The following SUSD1 variants were observed in gnomAD, a reference collection of about 807,000 sequenced individuals.
SUSD1 encodes sushi domain containing 1.
SUSD1 carries 65 observed loss-of-function variants against 86.9 expected under a neutral mutation model. The ratio of observed to expected loss-of-function variants is 0.75; its 90% CI spans 0.61 to 0.92. SUSD1 has a LOEUF of 0.92. SUSD1 is among the 40% of genes least tolerant of loss of function. The pLI is 0.00. For missense variants in SUSD1, 850 were observed against 929.7 expected, an observed-to-expected ratio of 0.91 and a Z score of 1.11; for synonymous variants, 346 against 350.0, an observed-to-expected ratio of 0.99 and a Z score of 0.13.
chr9:112,103,068 A>T (rs1254260373), intron 8 of SUSD1: 2 of 400,740 alleles, frequency 5.0e-6, no homozygotes, highest in Admixed American at 7.9e-5. Context: ...ACAAGACTGC[A>T]TGTTTTCTAC....
intron 1 of SUSD1, among the ~76,000 whole-genome samples, chr9:112,174,723 G>A (rs1299887433): frequency 2.6e-5 from 4 of 152,176 alleles, no homozygotes; most frequent in African/African-American, 7.2e-5. Flanking sequence ...GGTCAAAAAT[G>A]TGTCATGCAA....
intron 15 of SUSD1, among the ~76,000 whole-genome samples, chr9:112,042,579 T>C (rs1031110052): frequency 6.6e-6 from 1 of 152,194 alleles, no homozygotes; most frequent in Non-Finnish European, 1.5e-5. Context: ...TAAAAAACAC[T>C]CACAGTTGAG....
chr9:112,158,353 C>T (rs2131824329), intron 1 of SUSD1, among the ~76,000 whole-genome samples: 1 of 152,254 alleles, frequency 6.6e-6, no homozygotes, highest in Middle Eastern at 3.4e-3. Flanking sequence ...TAAGACCCAG[C>T]TTAATGTCAC....
At chr9:112,070,346 T>C (rs1005135519) in intron 12 of SUSD1, among the ~76,000 whole-genome samples, 2 of 152,178 alleles carry the variant, frequency 1.3e-5, no homozygotes, top group African/African-American at 2.4e-5. Context: ...TTCTCTCCAA[T>C]GTACAAGCCT....
chr9:112,157,703 T>C, intron 1 of SUSD1, 90 bp from the exon 2 acceptor site: 1 of 967,908 alleles, frequency 1.0e-6, no homozygotes, highest in Non-Finnish European at 1.6e-6. Flanking sequence ...AACCAAAATT[T>C]GAAGACCAAA....
At chr9:112,149,079 T>A (rs144100265) in intron 3 of SUSD1, among the ~76,000 whole-genome samples, 165 bp downstream of exon 3, 17 of 152,214 alleles carry the variant, frequency 1.1e-4, no homozygotes, top group Non-Finnish European at 2.5e-4. Context: ...CACCCCTAGA[T>A]ACCTCAGCAT....
chr9:112,051,104 T>A (rs1828171098), intron 15 of SUSD1, among the ~76,000 whole-genome samples: 1 of 152,262 alleles, frequency 6.6e-6, no homozygotes, highest in Admixed American at 6.5e-5. Context: ...CCCTGACCAC[T>A]GTACATTGCT....
intron 13 of SUSD1, among the ~76,000 whole-genome samples, chr9:112,059,083 C>T (rs1004503850): frequency 6.6e-6 from 1 of 152,162 alleles, no homozygotes; most frequent in Non-Finnish European, 1.5e-5. Context: ...TGAGCCACTG[C>T]GCCCAGCTGA....
chr9:112,171,416 C>T (rs1834041289), intron 1 of SUSD1, among the ~76,000 whole-genome samples: 1 of 152,202 alleles, frequency 6.6e-6, no homozygotes, highest in Non-Finnish European at 1.5e-5. Flanking sequence ...CTACCAGATT[C>T]CTAATACAAG....
chr9:112,064,869 C>T (rs1828905571), intron 12 of SUSD1, among the ~76,000 whole-genome samples: 1 of 141,788 alleles, frequency 7.1e-6, no homozygotes, highest in African/African-American at 2.6e-5. Flanking sequence ...GAGTGAGACT[C>T]TGTCTCAGAA....
chr9:112,065,360 T>TA (rs890142712), intron 12 of SUSD1, among the ~76,000 whole-genome samples: 22 of 151,660 alleles, frequency 1.5e-4, no homozygotes, highest in African/African-American at 3.6e-4. Context: ...CCATCTCTAG[T>TA]AAAAAAATAC....
chr9:112,117,669 T>A (rs1424817285), intron 6 of SUSD1, among the ~76,000 whole-genome samples: 1 of 152,184 alleles, frequency 6.6e-6, no homozygotes, highest in African/African-American at 2.4e-5. Context: ...CATTATATAA[T>A]GACCACCTCT....
chr9:112,098,431 T>C (rs373175145), intron 10 of SUSD1, 39 bp downstream of exon 10: 199 of 1,599,270 alleles, frequency 1.2e-4, no homozygotes, highest in Non-Finnish European at 1.6e-4. Context: ...CATAGGTAAT[T>C]TGTCCTGAGG....
chr9:112,158,261 C>T (rs1416563363), intron 1 of SUSD1, among the ~76,000 whole-genome samples: 5 of 152,124 alleles, frequency 3.3e-5, no homozygotes, highest in Non-Finnish European at 7.4e-5. Flanking sequence ...CTATCCTACT[C>T]GCATGCCACA....
chr9:112,045,633 TA>T (rs1827924605), intron 15 of SUSD1, among the ~76,000 whole-genome samples: 1 of 152,200 alleles, frequency 6.6e-6, no homozygotes, highest in Non-Finnish European at 1.5e-5. Context: ...CTACCAGGGA[TA>T]CACAAGCCAT....
chr9:112,125,393 G>C (rs1831730456), intron 5 of SUSD1, among the ~76,000 whole-genome samples: 1 of 152,064 alleles, frequency 6.6e-6, no homozygotes, highest in African/African-American at 2.4e-5. Context: ...GTGAGTTGAA[G>C]GGAAGAAGTA....
chr9:112,081,342 T>C (rs1829760205), intron 10 of SUSD1, among the ~76,000 whole-genome samples: 2 of 152,180 alleles, frequency 1.3e-5, no homozygotes, highest in Non-Finnish European at 2.9e-5. Context: ...CTCCTCTCTA[T>C]GGATTGGGCA....
chr9:112,122,313 G>A (rs1052688523), intron 6 of SUSD1, among the ~76,000 whole-genome samples: 2 of 152,178 alleles, frequency 1.3e-5, no homozygotes, highest in Admixed American at 6.5e-5. Flanking sequence ...GGTGTGCACC[G>A]CCACACCTGG....
At chr9:112,052,666 T>C (rs1828270248) in intron 14 of SUSD1, among the ~76,000 whole-genome samples, 1 of 152,162 alleles carries the variant, frequency 6.6e-6, no homozygotes, top group African/African-American at 2.4e-5. Flanking sequence ...TCTATAGGTT[T>C]CCAACAGGTC....
Sources: gnomAD v4.1 joint callset for allele counts (sites outside exome capture counted in the v4.1 genomes callset) on GRCh38, gnomAD v4.1.1 for gene constraint, MANE v1.5 for transcripts, NCBI Gene and HGNC (gene_info 2026-07-23, HGNC 2026-07-21) for gene names.